Variants in BARD1 observed in about 807,000 individuals in gnomAD.
The protein encoded by BARD1 is BRCA1 associated RING domain 1, also known as BRCA1-associated RING domain protein 1.
BARD1 carries 73 observed loss-of-function variants against 77.0 expected under a neutral mutation model. The observed-to-expected ratio is 0.95, with a 90% CI of 0.79 to 1.15. BARD1 has a LOEUF of 1.15. BARD1 is among the 50% of genes most tolerant of loss of function. The pLI is 0.00. For missense variants in BARD1, 993 were observed against 938.8 expected (o/e 1.06, Z -0.75); for synonymous variants, 384 against 338.0 (o/e 1.14, Z -1.49).
intron 3 of BARD1, among the ~76,000 whole-genome samples, chr2:214,782,390 C>A (rs1695083037): frequency 6.6e-6 from 1 of 152,046 alleles, no homozygotes; most frequent in Admixed American, 6.6e-5. Context: ...ACAAGAGGGG[C>A]TTCCAGAGTA....
chr2:214,769,498 T>C (rs1046421020), intron 4 of BARD1, among the ~76,000 whole-genome samples, 186 bp from the exon 5 acceptor site: 13 of 152,166 alleles, frequency 8.5e-5, no homozygotes, highest in Non-Finnish European at 1.5e-4. Flanking sequence ...TCCCAACACT[T>C]TGAGAGGCCA....
chr2:214,753,690 G>A (rs1304353810), intron 6 of BARD1, among the ~76,000 whole-genome samples: 1 of 152,154 alleles, frequency 6.6e-6, no homozygotes, highest in East Asian at 1.9e-4. Context: ...AGCATCTACT[G>A]AGTTCACAGA....
At chr2:214,771,588 C>T (rs1288337894) in intron 4 of BARD1, among the ~76,000 whole-genome samples, 1 of 151,850 alleles carries the variant, frequency 6.6e-6, no homozygotes, top group Non-Finnish European at 1.5e-5. Flanking sequence ...ATTAGCCAGG[C>T]ATGGTGGTAC....
chr2:214,790,173 C>T (rs907238975), intron 3 of BARD1, among the ~76,000 whole-genome samples: 2 of 152,030 alleles, frequency 1.3e-5, no homozygotes, highest in African/African-American at 4.8e-5. Flanking sequence ...TATGGTATGC[C>T]ATAACTGACA....
chr2:214,759,358 A>T (rs1693842939), intron 6 of BARD1, among the ~76,000 whole-genome samples: 1 of 152,178 alleles, frequency 6.6e-6, no homozygotes, highest in Admixed American at 6.5e-5. Context: ...ATGTGACCGT[A>T]AGAGCTGTGG....
chr2:214,731,026 G>T, intron 9 of BARD1: 1 of 398,824 alleles, frequency 2.5e-6, no homozygotes, highest in Non-Finnish European at 5.1e-6. Context: ...ACACAACAGG[G>T]GTTCAACAGC....
chr2:214,730,457 T>TCATACTTTTCTTCCTGTTCA lies in BARD1; in HGVS notation c.1935_1954dup (p.Glu652ValfsTer69), dbSNP rs587780024. 9.0e-5 allele frequency: 146 copies of TCATACTTTTCTTCCTGTTCA among 1,614,002 alleles called. No homozygotes were observed. Among genetic ancestry groups the TCATACTTTTCTTCCTGTTCA allele is most frequent in the Non-Finnish European group, 1.2e-4 (139 of 1,179,966 alleles). ...GCTTCTGCGTGGACCTTCAGGAATT[T>TCATACTTTTCTTCCTGTTCA]CATACTTTTCTTCCTGTTCACATAC... On this transcript the variant is annotated frameshift_variant, in exon 10 of 11. Coordinates refer to ENST00000260947, the MANE Select transcript of BARD1 (RefSeq NM_000465.4). LOFTEE classifies it high-confidence loss of function.
At chr2:214,790,525 A>G (rs1695466815) in intron 3 of BARD1, among the ~76,000 whole-genome samples, 1 of 152,172 alleles carries the variant, frequency 6.6e-6, no homozygotes. Flanking sequence ...AGACCTCAAC[A>G]AAGAACCAAC....
chr2:214,769,868 C>G (rs1694396235), intron 4 of BARD1, among the ~76,000 whole-genome samples: 1 of 152,030 alleles, frequency 6.6e-6, no homozygotes, highest in Non-Finnish European at 1.5e-5. Context: ...TTTCAGGTAC[C>G]AAATAAAGGA....
intron 9 of BARD1, among the ~76,000 whole-genome samples, chr2:214,732,527 C>A (rs1692402183): frequency 6.6e-6 from 1 of 152,100 alleles, no homozygotes; most frequent in South Asian, 2.1e-4. Flanking sequence ...TCCCAAGTAG[C>A]TGGGACTACA....
chr2:214,754,821 A>G (rs1693619646), intron 6 of BARD1, among the ~76,000 whole-genome samples: 1 of 152,194 alleles, frequency 6.6e-6, no homozygotes, highest in Non-Finnish European at 1.5e-5. Flanking sequence ...TACAAGTGCT[A>G]CAGATGGAAA....
chr2:214,782,668 T>A (rs1490505700), intron 3 of BARD1, among the ~76,000 whole-genome samples: 2 of 152,106 alleles, frequency 1.3e-5, no homozygotes, highest in Admixed American at 1.3e-4. Context: ...TACACTCACC[T>A]GCTACTTTAA....
intron 1 of BARD1, among the ~76,000 whole-genome samples, chr2:214,799,957 A>G (rs1176754520): frequency 6.6e-6 from 1 of 152,108 alleles, no homozygotes; most frequent in African/African-American, 2.4e-5. Context: ...CTTCCACCGC[A>G]TTTTAATATT....
chr2:214,768,503 G>A (rs1018217715), intron 5 of BARD1, among the ~76,000 whole-genome samples: 2 of 152,102 alleles, frequency 1.3e-5, no homozygotes, highest in Non-Finnish European at 2.9e-5. Flanking sequence ...CCAGCAAAGC[G>A]ACTGATCTAG....
At chr2:214,770,433 G>A (rs905331065) in intron 4 of BARD1, among the ~76,000 whole-genome samples, 3 of 152,208 alleles carry the variant, frequency 2.0e-5, no homozygotes, top group African/African-American at 7.2e-5. Flanking sequence ...GAAGGCAGAT[G>A]AGGAATAGTA....
Position 214,767,631 on chromosome 2 carries a change from G to A in BARD1, c.1419C>T (p.His473=), listed in dbSNP as rs786203473. ...GGAGCAATAATTCCACTACCTTCAG[G>A]TGCCCATGATTGCAAGCTTCATGCT... is the stretch of plus-strand genomic sequence containing the variant. ...TPLHEACNHG[H]LKVVELLLQH... is the part of the protein sequence containing the mutation. The change falls in exon 6 of 11, where the codon CAC becomes CAT. Residue 473 remains histidine (H), a synonymous_variant. Transcript: ENST00000260947. 6.2e-7 allele frequency: 1 copy of A among 1,613,858 alleles called. No individual in the cohort carries two copies. The highest frequency in any genetic ancestry group is 8.5e-7 in the Non-Finnish European group (1 of 1,179,910).
At chr2:214,731,438 G>A (rs1217762710) in intron 9 of BARD1, among the ~76,000 whole-genome samples, 1 of 152,112 alleles carries the variant, frequency 6.6e-6, no homozygotes, top group African/African-American at 2.4e-5. Flanking sequence ...GGGAACTGAT[G>A]GCATGTATAT....
intron 2 of BARD1, among the ~76,000 whole-genome samples, chr2:214,794,587 T>TC (rs56306164): frequency 3.4e-5 from 5 of 146,710 alleles, no homozygotes; most frequent in African/African-American, 5.0e-5. Flanking sequence ...TTAAATTAAT[T>TC]TTTTTAAAAA....
In BARD1 at chr2:214,809,417, C is replaced by G. The variant is rs761103724; in HGVS notation, c.153G>C (p.Ser51=). ...LDRLEKLLRC[S]RCTNILREPV... is the part of the protein sequence containing the mutation. ...CCAAGAAGCTCCGTCTTTACCAACG[C>G]GAGCAGCGCAGCAGCTTCTCCAGGC... is the stretch of plus-strand genomic sequence containing the variant. The change falls in exon 1 of 11, where the codon TCG becomes TCC. Residue 51 remains serine, a synonymous_variant. Transcript: ENST00000260947. The G allele has an allele frequency of 1.9e-6, 3 of 1,612,466 alleles. No individual in the cohort carries two copies. Among genetic ancestry groups the G allele is most frequent in the Non-Finnish European group, 2.5e-6 (3 of 1,179,838 alleles).
Sources: gnomAD v4.1 joint callset for allele counts (sites outside exome capture counted in the v4.1 genomes callset) on GRCh38, gnomAD v4.1.1 for gene constraint, MANE v1.5 for transcripts, NCBI Gene and HGNC (gene_info 2026-07-23, HGNC 2026-07-21) for gene names.